Variants in GPSM1 observed in about 807,000 individuals in gnomAD.
The protein encoded by GPSM1 is G protein signaling modulator 1.
In GPSM1, 48 loss-of-function variants were observed where a neutral mutation model predicts 70.5. That is an observed-to-expected ratio of 0.68 (90% CI 0.54 to 0.87). The LOEUF (loss-of-function observed/expected upper bound fraction) is 0.87. Among genes scored for constraint, GPSM1 ranks in the 40% least tolerant of loss-of-function variants. The pLI, the probability that GPSM1 is intolerant of heterozygous loss-of-function variation, is 0.00. For missense variants in GPSM1, 981 were observed against 972.6 expected (o/e 1.01, Z -0.11); for synonymous variants, 416 against 430.1 (o/e 0.97, Z 0.41).
At position 136,336,001 on chromosome 9, in the gene GPSM1, G is replaced by C; in HGVS notation, c.326G>C (p.Ser109Thr). 6.2e-7 allele frequency: 1 copy of C among 1,612,598 alleles called. No individual in the cohort carries two copies. Among genetic ancestry groups the C allele is most frequent in the Non-Finnish European group, 8.5e-7 (1 of 1,179,902 alleles). The part of the protein sequence containing the change: ...IGDRMGEAKA[S>T]GNLGNTLKVL... ...GACCGCATGGGGGAGGCCAAGGCCA[G>C]TGGAAACCTGGGAAACACACTCAAG... Residue 109 changes from serine to threonine, a missense_variant, in exon 3 of 14, where the codon AGT (serine) becomes ACT (threonine). Ser to Thr is a moderately conservative substitution (Grantham distance 58). Transcript: ENST00000440944.
chr9:136,356,206 C>A, intron 12 of GPSM1, 136 bp from the exon 13 acceptor site: 1 of 718,462 alleles, frequency 1.4e-6, no homozygotes, highest in African/African-American at 1.8e-5. Flanking sequence ...TCAGCGGAGA[C>A]TCCCCCAGGA....
intron 11 of GPSM1, 36 bp downstream of exon 11, chr9:136,349,799 G>C (rs782618511): frequency 1.3e-6 from 2 of 1,523,970 alleles, no homozygotes; most frequent in Non-Finnish European, 1.8e-6. Flanking sequence ...GGCCGAGAGG[G>C]AGGAGAGCTT....
At chr9:136,348,409 G>T (rs952724665) in intron 9 of GPSM1, among the ~76,000 whole-genome samples, 3 of 152,182 alleles carry the variant, frequency 2.0e-5, no homozygotes, top group Non-Finnish European at 4.4e-5. Flanking sequence ...GTGCGGCAGG[G>T]GAGAGGCCTG....
chr9:136,329,412 G>C (rs1328607314), intron 1 of GPSM1, among the ~76,000 whole-genome samples: 1 of 152,230 alleles, frequency 6.6e-6, no homozygotes, highest in Non-Finnish European at 1.5e-5. Flanking sequence ...TGGAAGCTGC[G>C]GGCCAGACGG....
intron 13 of GPSM1, among the ~76,000 whole-genome samples, chr9:136,357,130 T>C (rs1832853029): frequency 6.6e-6 from 1 of 152,004 alleles, no homozygotes; most frequent in African/African-American, 2.4e-5. Flanking sequence ...CCAGGTAGGG[T>C]GGCCGGAGTG....
At position 136,341,881 on chromosome 9, in the gene GPSM1, C is replaced by A; in HGVS notation, c.1207+888C>A. The stretch of plus-strand genomic sequence containing the variant: ...GCCCAGGCCAGTGTCAAACTCCCAG[C>A]CTCAAGCGATCCTCCCATCTCGGCT... On this transcript the variant is annotated intron_variant, in intron 9 of 13. Transcript: ENST00000440944. This position sits in a 1 kb window ranked among gnomAD's most constrained non-coding sequence, Gnocchi z 6.7. 3 of 639,382 alleles carry A rather than the reference C, an allele frequency of 4.7e-6. No individual in the cohort carries two copies. The highest frequency in any genetic ancestry group is 3.9e-6 in the Non-Finnish European group (2 of 513,792). 39.6% of individuals were successfully genotyped at this position (639,382 alleles called of 1,614,324 possible). A position where few individuals can be genotyped will look rare whatever the true frequency, so the allele number is the denominator to read the frequency against.
At chr9:136,328,384 G>A (rs1239811374) in intron 1 of GPSM1, among the ~76,000 whole-genome samples, 1 of 152,140 alleles carries the variant, frequency 6.6e-6, no homozygotes, top group Non-Finnish European at 1.5e-5. Context: ...GCCCAGCCGG[G>A]CAGGTGCCTG....
At chr9:136,344,011 G>A (rs1311706381) in intron 9 of GPSM1, among the ~76,000 whole-genome samples, 1 of 152,132 alleles carries the variant, frequency 6.6e-6, no homozygotes, top group African/African-American at 2.4e-5. Flanking sequence ...GGCACTGCTG[G>A]GGCCCTCACT....
At chr9:136,331,621 C>T (rs1014501351) in intron 1 of GPSM1, among the ~76,000 whole-genome samples, 23 of 152,312 alleles carry the variant, frequency 1.5e-4, no homozygotes, top group Middle Eastern at 3.4e-3. Context: ...CTGGCGCTCC[C>T]GAGTGAGCCC....
chr9:136,350,958 G>A (rs1832645491), intron 11 of GPSM1, among the ~76,000 whole-genome samples: 1 of 152,320 alleles, frequency 6.6e-6, no homozygotes, highest in South Asian at 2.1e-4. Context: ...CTGTGCCAGG[G>A]CCACCCCAGC....
rs1020286714 is a variant in GPSM1, at chr9:136,358,484, C to T, written c.*264C>T. The T allele has an allele frequency of 4.0e-5, 22 of 547,962 alleles. No homozygotes were observed. The highest frequency in any genetic ancestry group is 7.0e-5 in the South Asian group (3 of 43,074). The allele number at this position is 547,962 out of a possible 1,614,324, so 33.9% of individuals were successfully genotyped here. Reference sequence around the variant, plus strand: ...GACGGGGCCTTCGGCATGTCGGCCCCGACCTGGTGCTGTCAGACTCCCGCA... The same window carrying T: ...GACGGGGCCTTCGGCATGTCGGCCCTGACCTGGTGCTGTCAGACTCCCGCA... On this transcript the variant is annotated 3_prime_UTR_variant, in exon 14 of 14. Coordinates refer to ENST00000440944, the MANE Select transcript of GPSM1 (RefSeq NM_001145638.3).
At chr9:136,338,833 G>A in intron 7 of GPSM1, 123 bp downstream of exon 7, 2 of 1,003,332 alleles carry the variant, frequency 2.0e-6, no homozygotes, top group Non-Finnish European at 2.9e-6. Context: ...TGACCCAGGA[G>A]TGGCAACGCC....
At position 136,359,511 on chromosome 9, in the gene GPSM1, C is replaced by T. The variant is rs142375453; in HGVS notation, c.*1291C>T. 2.6e-5 allele frequency: 4 copies of T among 152,474 alleles called. No individual in the cohort carries two copies. The highest frequency in any genetic ancestry group is 4.8e-5 in the African/African-American group (2 of 41,558). The allele number at this position is 152,474 out of a possible 1,614,324, so 9.4% of individuals were successfully genotyped here. Reference sequence around the variant, plus strand: ...AATGTATGTGCGTATTTATTGCTCACGTCTGTGCCATGTTGTCAATGGGTC... The same window carrying T: ...AATGTATGTGCGTATTTATTGCTCATGTCTGTGCCATGTTGTCAATGGGTC... On this transcript the variant is annotated 3_prime_UTR_variant, in exon 14 of 14. Transcript: ENST00000440944.
chr9:136,358,338 G>T lies in GPSM1; in HGVS notation c.*118G>T. The T allele has an allele frequency of 1.0e-6, 1 of 961,278 alleles. No individual in the cohort carries two copies. The highest frequency in any genetic ancestry group is 1.5e-6 in the Non-Finnish European group (1 of 649,106). 59.5% of individuals were successfully genotyped at this position (961,278 alleles called of 1,614,324 possible). On this transcript the variant is annotated 3_prime_UTR_variant, in exon 14 of 14. Transcript: ENST00000440944. ...ACAGGCACTGGGCATGCAGCCCCAC[G>T]GCCTCCCCGACCCAGGGCGACAGGC...
In GPSM1 at chr9:136,337,705, A is replaced by G. The variant is rs905137490; in HGVS notation, c.702+141A>G. 144 of 988,784 alleles carry G rather than the reference A, an allele frequency of 1.5e-4. 1 individual carries two copies. The African/African-American group carries it at 2.1e-3, about 15-fold the overall frequency. The allele number at this position is 988,784 out of a possible 1,614,324, so 61.3% of individuals were successfully genotyped here. ...CCCACCGAGTCCTGGCCTCATCTGC[A>G]CTTGGTCCTGCAGCTGCTAGCTGCT... On this transcript the variant is annotated intron_variant, in intron 5 of 13. Transcript: ENST00000440944.
Position 136,355,772 on chromosome 9 carries a change from A to G in GPSM1, c.1538A>G (p.Gln513Arg). 1.9e-6 allele frequency: 3 copies of G among 1,611,954 alleles called. No homozygotes were observed. The highest frequency in any genetic ancestry group is 2.5e-6 in the Non-Finnish European group (3 of 1,179,124). The part of the protein sequence containing the change: ...TKFQSSRMDD[Q>R]RCPLDDGQAG... Reference sequence around the variant, plus strand: ...TTCCAGAGCAGCCGCATGGACGACCAGCGTTGTCCCCTGGACGATGGCCAG... The same window carrying G: ...TTCCAGAGCAGCCGCATGGACGACCGGCGTTGTCCCCTGGACGATGGCCAG... Residue 513 changes from glutamine to arginine, a missense_variant, in exon 12 of 14, where the codon CAG becomes CGG. Gln to Arg is a conservative substitution (Grantham distance 43). Coordinates refer to ENST00000440944, the MANE Select transcript of GPSM1 (RefSeq NM_001145638.3).
intron 3 of GPSM1, 35 bp from the exon 4 acceptor site, chr9:136,336,886 G>C (rs373701489): frequency 6.5e-7 from 1 of 1,536,694 alleles, no homozygotes; most frequent in East Asian, 2.5e-5. Context: ...GGGGGGCCGT[G>C]GAGGCATGCC....
chr9:136,357,448 C>T (rs1311608445), intron 13 of GPSM1, among the ~76,000 whole-genome samples: 1 of 152,224 alleles, frequency 6.6e-6, no homozygotes, highest in Non-Finnish European at 1.5e-5. Flanking sequence ...CCCGTCCCTC[C>T]TGCTCCAGGC....
chr9:136,341,859 C>A lies in GPSM1; in HGVS notation c.1207+866C>A. ...AGAGATAGGGCCTCACTATGTTGCC[C>A]AGGCCAGTGTCAAACTCCCAGCCTC... On this transcript the variant is annotated intron_variant, in intron 9 of 13. Coordinates refer to ENST00000440944, the MANE Select transcript of GPSM1 (RefSeq NM_001145638.3). This position sits in a 1 kb window ranked among gnomAD's most constrained non-coding sequence, Gnocchi z 6.7. 1 of 813,312 alleles carries A rather than the reference C, an allele frequency of 1.2e-6. No individual in the cohort carries two copies. The highest frequency in any genetic ancestry group is 1.5e-6 in the Non-Finnish European group (1 of 672,798). The allele number at this position is 813,312 out of a possible 1,614,324, so 50.4% of individuals were successfully genotyped here. A position where few individuals can be genotyped will look rare whatever the true frequency, so the allele number is the denominator to read the frequency against.
Sources: allele counts gnomAD v4.1 joint callset (sites outside exome capture counted in the v4.1 genomes callset), GRCh38; gene constraint gnomAD v4.1.1; non-coding constraint Gnocchi (gnomAD v3.1); transcripts MANE v1.5; gene names NCBI Gene and HGNC (gene_info 2026-07-23, HGNC 2026-07-21).